Variants in TMEM132D observed in about 807,000 individuals in gnomAD.
The protein encoded by TMEM132D is mature OL transmembrane protein.
Under a neutral mutation model 62.3 loss-of-function variants are expected in TMEM132D, and 21 were observed. The observed-to-expected ratio is 0.34, with a 90% CI of 0.24 to 0.49. The LOEUF (loss-of-function observed/expected upper bound fraction) is 0.49, where lower values mean the gene tolerates loss of function less well. Ranked by LOEUF, TMEM132D falls within the 20% of genes least tolerant of loss-of-function variation. The pLI is 0.99. For missense variants in TMEM132D, 1,346 were observed against 1,402.8 expected, an observed-to-expected ratio of 0.96 and a Z score of 0.65; for synonymous variants, 621 against 575.6, an observed-to-expected ratio of 1.08 and a Z score of -1.13.
chr12:129,636,971 C>A (rs1404787524), intron 2 of TMEM132D, among the ~76,000 whole-genome samples: 1 of 151,980 alleles, frequency 6.6e-6, no homozygotes, highest in South Asian at 2.1e-4. Flanking sequence ...AGAAACAAAA[C>A]TCTCATTTCT....
chr12:129,180,038 TAAA>T (rs57566666), intron 5 of TMEM132D, among the ~76,000 whole-genome samples: 7 of 144,226 alleles, frequency 4.9e-5, no homozygotes, highest in East Asian at 2.0e-4. Flanking sequence ...AAAAAGAAAA[TAAA>T]AAAAAAAAAA....
intron 4 of TMEM132D, among the ~76,000 whole-genome samples, chr12:129,288,885 A>G (rs1387626516): frequency 1.3e-5 from 2 of 152,222 alleles, no homozygotes; most frequent in Non-Finnish European, 2.9e-5. Flanking sequence ...ACACAATGGG[A>G]TATGATTCAG....
Position 129,706,076 on chromosome 12 carries a change from T to C in TMEM132D, c.80-5378A>G, listed in dbSNP as rs554734143. Reference sequence around the variant, plus strand: ...CAGAAACAGTTTACTGAATAATCTATTGAATGCACAGATAAACAAAAATAG... The same window carrying C: ...CAGAAACAGTTTACTGAATAATCTACTGAATGCACAGATAAACAAAAATAG... On this transcript the variant is annotated intron_variant, in intron 1 of 8. Coordinates refer to ENST00000422113, the MANE Select transcript of TMEM132D (RefSeq NM_133448.3). Among the ~76,000 whole-genome samples, 10 of 152,018 alleles carry C rather than the reference T, an allele frequency of 6.6e-5. No homozygotes were observed. In the South Asian group the frequency reaches 1.5e-3, roughly 22 times the overall value.
At chr12:129,726,130 T>A (rs1406793919) in intron 1 of TMEM132D, among the ~76,000 whole-genome samples, 3 of 152,230 alleles carry the variant, frequency 2.0e-5, no homozygotes, top group African/African-American at 7.2e-5. Flanking sequence ...AGGCCTCCTG[T>A]GTGGCTCCAT....
At chr12:129,817,337 T>G (rs1435999464) in intron 1 of TMEM132D, among the ~76,000 whole-genome samples, 1 of 152,226 alleles carries the variant, frequency 6.6e-6, no homozygotes, top group Non-Finnish European at 1.5e-5. Context: ...CACAGAGTTC[T>G]GCTAGTCAGC....
At chr12:129,703,147 T>C (rs1233931936) in intron 1 of TMEM132D, among the ~76,000 whole-genome samples, 1 of 152,158 alleles carries the variant, frequency 6.6e-6, no homozygotes, top group Non-Finnish European at 1.5e-5. Flanking sequence ...GACAACCAAA[T>C]TACAGATGCT....
intron 4 of TMEM132D, among the ~76,000 whole-genome samples, chr12:129,237,749 C>T (rs1033908047): frequency 3.9e-5 from 6 of 151,994 alleles, no homozygotes; most frequent in African/African-American, 1.4e-4. Flanking sequence ...GAGGCTGAGG[C>T]GAGAGGATCA....
At chr12:129,607,756 T>C (rs1878667313) in intron 2 of TMEM132D, among the ~76,000 whole-genome samples, 1 of 152,198 alleles carries the variant, frequency 6.6e-6, no homozygotes, top group South Asian at 2.1e-4. Context: ...TATTTTTAAA[T>C]GCCTTTTTCT....
chr12:129,496,830 A>C (rs547960177), intron 3 of TMEM132D, among the ~76,000 whole-genome samples: 24 of 152,236 alleles, frequency 1.6e-4, no homozygotes, highest in African/African-American at 5.8e-4. Context: ...GCTGCCCCTC[A>C]CTGAGATTCA....
intron 1 of TMEM132D, among the ~76,000 whole-genome samples, chr12:129,746,787 G>C (rs191209591): frequency 1.5e-3 from 226 of 152,104 alleles, no homozygotes; most frequent in Middle Eastern, 3.4e-3. Flanking sequence ...CACTCCTGCC[G>C]TCTCCCCTCC....
At chr12:129,888,096 A>C (rs943324178) in intron 1 of TMEM132D, among the ~76,000 whole-genome samples, 1 of 152,234 alleles carries the variant, frequency 6.6e-6, no homozygotes, top group Non-Finnish European at 1.5e-5. Flanking sequence ...ACATTTCAAA[A>C]TATTGAATGC....
At chr12:129,592,697 A>C (rs1227926332) in intron 2 of TMEM132D, among the ~76,000 whole-genome samples, 2 of 152,224 alleles carry the variant, frequency 1.3e-5, no homozygotes, top group Non-Finnish European at 2.9e-5. Flanking sequence ...ATGCTGTGTA[A>C]GATGCATTTT....
In TMEM132D at chr12:129,773,531, C is replaced by T. The variant is rs114392441; in HGVS notation, c.80-72833G>A. ...CAGCAGGATGTTCCAGGCAAAGGAA[C>T]AATTAGTGCAAAAACCCAGAGGGAG... is the stretch of plus-strand genomic sequence containing the variant. On this transcript the variant is annotated intron_variant, in intron 1 of 8. Coordinates refer to ENST00000422113, the MANE Select transcript of TMEM132D (RefSeq NM_133448.3). Among the ~76,000 whole-genome samples the T allele has an allele frequency of 2.6e-3, 391 of 152,214 alleles. 2 individuals carry two copies. Among genetic ancestry groups the T allele is most frequent in the African/African-American group, 9.0e-3 (372 of 41,536 alleles).
At chr12:129,870,679 G>T (rs1412104216) in intron 1 of TMEM132D, among the ~76,000 whole-genome samples, 1 of 152,114 alleles carries the variant, frequency 6.6e-6, no homozygotes, top group Admixed American at 6.5e-5. Context: ...TGGCTTCTGT[G>T]GGCTGCTTTA....
intron 2 of TMEM132D, among the ~76,000 whole-genome samples, chr12:129,635,419 C>T (rs149014738): frequency 5.1e-4 from 78 of 152,286 alleles, no homozygotes; most frequent in African/African-American, 1.6e-3. Flanking sequence ...ATGCTCACAG[C>T]GTTGTGCAGC....
chr12:129,456,547 C>T (rs897833469), intron 3 of TMEM132D, among the ~76,000 whole-genome samples: 1 of 152,164 alleles, frequency 6.6e-6, no homozygotes, highest in Non-Finnish European at 1.5e-5. Context: ...ATGTGGCTCT[C>T]ATGATGCAGG....
chr12:129,250,277 A>G (rs940748071), intron 4 of TMEM132D, among the ~76,000 whole-genome samples: 3 of 152,232 alleles, frequency 2.0e-5, no homozygotes, highest in Admixed American at 6.5e-5. Context: ...TGAGACTGAC[A>G]TCACAATGTA....
At chr12:129,410,639 T>A (rs1871941591) in intron 3 of TMEM132D, among the ~76,000 whole-genome samples, 1 of 152,198 alleles carries the variant, frequency 6.6e-6, no homozygotes, top group South Asian at 2.1e-4. Flanking sequence ...ATTACAGGCG[T>A]GAGCCACCAC....
intron 3 of TMEM132D, among the ~76,000 whole-genome samples, chr12:129,509,024 C>T (rs914538504): frequency 2.0e-5 from 3 of 152,136 alleles, no homozygotes; most frequent in East Asian, 3.9e-4. Context: ...GCCTGCAGTT[C>T]ACCATATTGC....
Sources: allele counts gnomAD v4.1 joint callset (sites outside exome capture counted in the v4.1 genomes callset), GRCh38; gene constraint gnomAD v4.1.1; transcripts MANE v1.5; gene names NCBI Gene and HGNC (gene_info 2026-07-23, HGNC 2026-07-21).